TNFRSF13B: variants seen among roughly 807,000 people sequenced by gnomAD.
TNFRSF13B encodes TNF receptor superfamily member 13B, also known as tumor necrosis factor receptor superfamily member 13B.
TNFRSF13B carries 34 observed loss-of-function variants against 24.0 expected under a neutral mutation model. That is an observed-to-expected ratio of 1.41 (90% CI 1.08 to 1.88). The LOEUF (loss-of-function observed/expected upper bound fraction) is 1.88, where lower values mean the gene tolerates loss of function less well. Among genes scored for constraint, TNFRSF13B ranks in the 40% most tolerant of loss-of-function variants. TNFRSF13B has a pLI of 0.00. For missense variants in TNFRSF13B, 415 were observed against 380.8 expected, an observed-to-expected ratio of 1.09 and a Z score of -0.75; for synonymous variants, 173 against 150.3, an observed-to-expected ratio of 1.15 and a Z score of -1.10.
chr17:16,939,243 ATC>A lies in TNFRSF13B; in HGVS notation c.*302_*303del. 7.1e-6 allele frequency: 2 copies of A among 280,956 alleles called. No homozygotes were observed. The highest frequency in any genetic ancestry group is 6.8e-6 in the Non-Finnish European group (1 of 148,088). 17.4% of individuals were successfully genotyped at this position (280,956 alleles called of 1,614,324 possible). On this transcript the variant is annotated 3_prime_UTR_variant, in exon 5 of 5. Transcript: ENST00000261652. ...TCAGAGTGCCCCGACCTCCTGCTCT[ATC>A]TCTCTCTGTCCCTCTCTCCCTCTCT...
Position 16,946,593 on chromosome 17 carries a change from TTTA to T in TNFRSF13B, c.445+2142_445+2144del, listed in dbSNP as rs1366156436. 7.3e-5 allele frequency among the ~76,000 whole-genome samples: 10 copies of T among 136,584 alleles called. No homozygotes were observed. The East Asian group carries it at 1.2e-3, about 16-fold the overall frequency. 89.6% of individuals were successfully genotyped at this position (136,584 alleles called of 152,430 possible). ...ATTTTTATTTTTATTTATTTATTTATTTATTTTTTTTTGAGACACAGTCTCACT... is the reference window on the plus strand; with the variant it reads ...ATTTTTATTTTTATTTATTTATTTATTTTTTTTTTGAGACACAGTCTCACT... On this transcript the variant is annotated intron_variant, in intron 3 of 4. Transcript: ENST00000261652.
At chr17:16,954,085 G>A (rs1015787587) in intron 1 of TNFRSF13B, among the ~76,000 whole-genome samples, 5 of 152,218 alleles carry the variant, frequency 3.3e-5, no homozygotes, top group Admixed American at 6.5e-5. Flanking sequence ...GTTCTTTAAC[G>A]AAAGCAAGCT....
At chr17:16,955,860 A>G (rs2087621166) in intron 1 of TNFRSF13B, among the ~76,000 whole-genome samples, 1 of 152,242 alleles carries the variant, frequency 6.6e-6, no homozygotes, top group South Asian at 2.1e-4. Flanking sequence ...AGCCTATCAC[A>G]TGGTAGTGGC....
rs1247635429 is a variant in TNFRSF13B at position 16,939,576 on chromosome 17, G to C, written c.853C>G (p.Pro285Ala). The change falls in exon 5 of 5, where the codon CCT (proline) becomes GCT (alanine). Residue 285 changes from proline (P) to alanine (A), a missense_variant. Physicochemically the swap from Pro to Ala is conservative, Grantham distance 27. Transcript: ENST00000261652. Reference sequence around the variant, plus strand: ...GCACCTGGGCCCCCCTCCTGGGCAGGCACACACACAATGCCAAGGCCACTG... The same window carrying C: ...GCACCTGGGCCCCCCTCCTGGGCAGCCACACACACAATGCCAAGGCCACTG... Reference protein sequence around the residue: ...PDSGLGIVCVPAQEGGPGA With the variant: ...PDSGLGIVCVAAQEGGPGA The C allele has an allele frequency of 1.2e-6, 2 of 1,612,986 alleles. No individual in the cohort carries two copies. Among genetic ancestry groups the C allele is most frequent in the Admixed American group, 3.3e-5 (2 of 59,878 alleles).
At chr17:16,956,556 G>C (rs1244839567) in intron 1 of TNFRSF13B, among the ~76,000 whole-genome samples, 1 of 152,146 alleles carries the variant, frequency 6.6e-6, no homozygotes, top group Non-Finnish European at 1.5e-5. Flanking sequence ...TGAACACAAT[G>C]AGCACATGGT....
chr17:16,948,617 G>T, intron 3 of TNFRSF13B, 121 bp downstream of exon 3: 1 of 1,390,786 alleles, frequency 7.2e-7, no homozygotes, highest in Non-Finnish European at 1.0e-6. Flanking sequence ...CTGGCTTCTG[G>T]CCATTTGCTT....
chr17:16,959,939 A>G (rs1445735620), intron 1 of TNFRSF13B, among the ~76,000 whole-genome samples: 1 of 152,172 alleles, frequency 6.6e-6, no homozygotes, highest in Non-Finnish European at 1.5e-5. Flanking sequence ...AAAACCAAAG[A>G]GAAAAGAACA....
At chr17:16,966,753 A>T (rs2143686726) in intron 1 of TNFRSF13B, among the ~76,000 whole-genome samples, 1 of 145,624 alleles carries the variant, frequency 6.9e-6, no homozygotes, top group African/African-American at 2.8e-5. Flanking sequence ...TGATAAATTT[A>T]TTACAGCAAC....
chr17:16,956,258 C>T (rs963954392), intron 1 of TNFRSF13B, among the ~76,000 whole-genome samples: 1 of 152,188 alleles, frequency 6.6e-6, no homozygotes. Context: ...ATGGCTTCAG[C>T]CCTTAACAGG....
At chr17:16,965,613 C>T (rs906797835) in intron 1 of TNFRSF13B, among the ~76,000 whole-genome samples, 9 of 152,128 alleles carry the variant, frequency 5.9e-5, no homozygotes, top group Non-Finnish European at 1.3e-4. Flanking sequence ...AGCAGCAGCT[C>T]CCTCCCTGCC....
intron 2 of TNFRSF13B, among the ~76,000 whole-genome samples, chr17:16,950,191 G>A (rs577926880): frequency 6.6e-6 from 1 of 152,308 alleles, no homozygotes; most frequent in East Asian, 1.9e-4. Flanking sequence ...TAGTGGATAA[G>A]AACCCAAATT....
Position 16,940,421 on chromosome 17 carries a change from A to G in TNFRSF13B, c.536T>C (p.Leu179Pro). The G allele has an allele frequency of 1.2e-6, 2 of 1,614,080 alleles. No individual in the cohort carries two copies. Among genetic ancestry groups the G allele is most frequent in the South Asian group, 1.1e-5 (1 of 91,070 alleles). ...LCLCAVLCCF[L>P]VAVACFLKKR... ...CTTGAGGAAGCAGGCCACCGCCACC[A>G]GGAAGCAGCAGAGGACGGCACACAG... The change falls in exon 4 of 5, where the codon CTG (leucine) becomes CCG (proline). Residue 179 changes from leucine to proline, a missense_variant. Physicochemically the swap from Leu to Pro is moderately conservative, Grantham distance 98. Transcript: ENST00000261652.
At chr17:16,965,640 AGGGAGGATGCAG>A (rs1358720580) in intron 1 of TNFRSF13B, among the ~76,000 whole-genome samples, 1 of 152,156 alleles carries the variant, frequency 6.6e-6, no homozygotes, top group Non-Finnish European at 1.5e-5. Flanking sequence ...TCCTCCATCC[AGGGAGGATGCAG>A]GGAGAGGTGG....
Position 16,939,799 on chromosome 17 carries a change from T to C in TNFRSF13B, c.632-2A>G, listed in dbSNP as rs1412141006. The C allele has an allele frequency of 1.2e-6, 2 of 1,611,032 alleles. No individual in the cohort carries two copies. The highest frequency in any genetic ancestry group is 1.7e-6 in the Non-Finnish European group (2 of 1,179,124). ...GGCTGCCGGCTTCCATCGCGTGATC[T>C]GCAGAGGCGAGAGTGGAGGGCGTGG... On this transcript the variant is annotated splice_acceptor_variant, in intron 4 of 4. Coordinates refer to ENST00000261652, the MANE Select transcript of TNFRSF13B (RefSeq NM_012452.3). LOFTEE classifies it high-confidence loss of function.
In TNFRSF13B at chr17:16,948,180, T is replaced by C. The variant is rs570606020; in HGVS notation, c.445+558A>G. ...GACAGGAACAACAGACACTGGGGCC[T>C]ACTAGAAGGGGGAGGCAGAGAGAGA... On this transcript the variant is annotated intron_variant, in intron 3 of 4. Coordinates refer to ENST00000261652, the MANE Select transcript of TNFRSF13B (RefSeq NM_012452.3). 2.6e-5 allele frequency among the ~76,000 whole-genome samples: 4 copies of C among 152,126 alleles called. No individual in the cohort carries two copies. In the South Asian group the frequency reaches 6.2e-4, roughly 24 times the overall value.
chr17:16,945,175 G>A (rs2087538905), intron 3 of TNFRSF13B, among the ~76,000 whole-genome samples: 1 of 152,210 alleles, frequency 6.6e-6, no homozygotes, highest in East Asian at 1.9e-4. Context: ...GTAGGGTGAG[G>A]CATGGTAATG....
intron 1 of TNFRSF13B, among the ~76,000 whole-genome samples, chr17:16,955,994 C>T (rs559711651): frequency 3.9e-5 from 6 of 152,242 alleles, no homozygotes; most frequent in Admixed American, 2.6e-4. Flanking sequence ...ACTGAGGGGC[C>T]GGCACAAAGG....
intron 3 of TNFRSF13B, among the ~76,000 whole-genome samples, chr17:16,942,248 C>A (rs905164371): frequency 5.3e-5 from 8 of 152,202 alleles, no homozygotes; most frequent in Non-Finnish European, 8.8e-5. Context: ...ATATTGTTCT[C>A]GGTCTTAGAC....
chr17:16,948,147 G>C (rs2087561877), intron 3 of TNFRSF13B, among the ~76,000 whole-genome samples: 1 of 152,118 alleles, frequency 6.6e-6, no homozygotes, highest in African/African-American at 2.4e-5. Flanking sequence ...AATACAGATG[G>C]ACATAAAGAC....
Sources: allele counts gnomAD v4.1 joint callset (sites outside exome capture counted in the v4.1 genomes callset), GRCh38; gene constraint gnomAD v4.1.1; transcripts MANE v1.5; gene names NCBI Gene and HGNC (gene_info 2026-07-23, HGNC 2026-07-21).